HIVEP3: variants seen among roughly 807,000 people sequenced by gnomAD.
The protein encoded by HIVEP3 is transcription factor HIVEP3.
A neutral mutation model predicts 152.8 loss-of-function variants in HIVEP3; 49 were observed. That is an observed-to-expected ratio of 0.32 (90% CI 0.26 to 0.41). The LOEUF is 0.41. Ranked by LOEUF, HIVEP3 falls within the 10% of genes least tolerant of loss-of-function variation. The pLI, the probability that HIVEP3 is intolerant of heterozygous loss-of-function variation, is 1.00. For synonymous variants in HIVEP3, 1,269 were observed against 1,289.0 expected (o/e 0.98, Z 0.33); for missense variants, 2,790 against 3,103.3 (o/e 0.90, Z 2.40).
intron 1 of HIVEP3, among the ~76,000 whole-genome samples, chr1:41,886,605 G>A (rs1187596565): frequency 1.3e-5 from 2 of 150,978 alleles, no homozygotes; most frequent in South Asian, 2.1e-4. Context: ...CTAGCTACTC[G>A]AGAGGCTGAA....
intron 2 of HIVEP3, among the ~76,000 whole-genome samples, chr1:41,641,849 G>T (rs891290326): frequency 6.6e-6 from 1 of 152,168 alleles, no homozygotes; most frequent in Non-Finnish European, 1.5e-5. Flanking sequence ...AGATTTAAGA[G>T]AATTTAAGAG....
In HIVEP3 at chr1:41,547,390, G is replaced by GCCTGC. The variant is rs59193131; in HGVS notation, c.5208-22481_5208-22480insGCAGG. 1.3e-3 allele frequency among the ~76,000 whole-genome samples: 193 copies of GCCTGC among 152,354 alleles called. 3 individuals are homozygous for GCCTGC. The East Asian group carries it at 0.036, about 29-fold the overall frequency. On this transcript the variant is annotated intron_variant, in intron 5 of 8. Coordinates refer to ENST00000372583, the MANE Select transcript of HIVEP3 (RefSeq NM_024503.5). The stretch of plus-strand genomic sequence containing the variant: ...CTGTTGACAAGCAGGCAGTGGCAGG[G>GCCTGC]TTGGGGAGGGCCAGGGAGGCTCCAG...
chr1:41,875,203 A>G (rs1025845424), intron 1 of HIVEP3, among the ~76,000 whole-genome samples: 41 of 152,164 alleles, frequency 2.7e-4, no homozygotes, highest in Admixed American at 4.6e-4. Context: ...CTCAGCCTTT[A>G]AGGCTCTACT....
intron 5 of HIVEP3, among the ~76,000 whole-genome samples, chr1:41,559,421 G>A (rs1019282194): frequency 1.3e-5 from 2 of 152,138 alleles, no homozygotes; most frequent in Non-Finnish European, 2.9e-5. Flanking sequence ...TCCTATAGCC[G>A]AGGCCACCCC....
intron 2 of HIVEP3, among the ~76,000 whole-genome samples, chr1:41,683,915 C>T (rs1646077512): frequency 6.6e-6 from 1 of 152,170 alleles, no homozygotes; most frequent in African/African-American, 2.4e-5. Flanking sequence ...CCTCATAACC[C>T]ATGGAGGAAC....
At chr1:41,528,673 A>T (rs1449531725) in intron 5 of HIVEP3, among the ~76,000 whole-genome samples, 1 of 76,638 alleles carries the variant, frequency 1.3e-5, no homozygotes, top group Non-Finnish European at 2.5e-5. Context: ...TCACCTTCAC[A>T]CTCACACCCC....
chr1:41,743,238 C>T (rs945899407), intron 1 of HIVEP3, among the ~76,000 whole-genome samples: 4 of 152,178 alleles, frequency 2.6e-5, no homozygotes, highest in Non-Finnish European at 5.9e-5. Context: ...CCTCAAAATA[C>T]TAACTGCACC....
intron 1 of HIVEP3, among the ~76,000 whole-genome samples, chr1:41,760,328 G>T (rs1373146732): frequency 6.6e-6 from 1 of 152,188 alleles, no homozygotes; most frequent in Admixed American, 6.5e-5. Context: ...GGGGCCGGGG[G>T]ACTGGTGCTC....
intron 7 of HIVEP3, among the ~76,000 whole-genome samples, chr1:41,515,578 G>A (rs1642578638): frequency 6.6e-6 from 1 of 152,212 alleles, no homozygotes; most frequent in South Asian, 2.1e-4. Flanking sequence ...TCCAGGCACA[G>A]ATGACCCAGT....
intron 3 of HIVEP3, among the ~76,000 whole-genome samples, chr1:41,601,813 T>G (rs1407238354): frequency 2.6e-5 from 4 of 152,186 alleles, no homozygotes; most frequent in African/African-American, 7.2e-5. Context: ...GCCCTTAGCT[T>G]CTTCCTGATT....
intron 2 of HIVEP3, among the ~76,000 whole-genome samples, chr1:41,638,318 GA>G (rs1196089767): frequency 5.5e-4 from 59 of 108,160 alleles, no homozygotes; most frequent in Non-Finnish European, 8.1e-4. Context: ...AAAGGAAAAG[GA>G]AAGAAAGAAA....
chr1:41,700,809 G>C (rs1317401878), intron 2 of HIVEP3, 107 bp downstream of exon 2: 14 of 355,270 alleles, frequency 3.9e-5, no homozygotes, highest in South Asian at 1.1e-4. Flanking sequence ...TCTCCTGCCC[G>C]AGGCTAAGGT....
intron 1 of HIVEP3, among the ~76,000 whole-genome samples, chr1:41,900,036 G>A (rs1644595279): frequency 6.6e-6 from 1 of 152,164 alleles, no homozygotes; most frequent in Admixed American, 6.5e-5. Flanking sequence ...TCCAGTGCTT[G>A]TGAGAGTTAT....
chr1:41,686,905 C>A (rs1013934738), intron 2 of HIVEP3, among the ~76,000 whole-genome samples: 1 of 152,196 alleles, frequency 6.6e-6, no homozygotes, highest in Non-Finnish European at 1.5e-5. Context: ...CATTTAGCAT[C>A]TACTATGGAC....
chr1:41,829,621 A>G (rs1642904700), intron 1 of HIVEP3, among the ~76,000 whole-genome samples: 1 of 151,838 alleles, frequency 6.6e-6, no homozygotes, highest in Non-Finnish European at 1.5e-5. Flanking sequence ...AAATATAACA[A>G]AACAGCAGAT....
chr1:41,886,270 C>G (rs1644345094), intron 1 of HIVEP3, among the ~76,000 whole-genome samples: 1 of 152,048 alleles, frequency 6.6e-6, no homozygotes, highest in African/African-American at 2.4e-5. Context: ...GTCTATTGTT[C>G]ACAGTCACGT....
At chr1:41,743,444 A>T (rs1647026655) in intron 1 of HIVEP3, among the ~76,000 whole-genome samples, 1 of 152,224 alleles carries the variant, frequency 6.6e-6, no homozygotes, top group South Asian at 2.1e-4. Flanking sequence ...GAATGAATGA[A>T]TGAATGTTAC....
chr1:41,984,907 A>G (rs1557549763), intron 1 of HIVEP3, among the ~76,000 whole-genome samples: 1 of 152,222 alleles, frequency 6.6e-6, no homozygotes, highest in African/African-American at 2.4e-5. Context: ...AAATAAACAA[A>G]TAAATACAAT....
chr1:41,898,699 CTCTG>C (rs1304568944), intron 1 of HIVEP3, among the ~76,000 whole-genome samples: 1 of 152,248 alleles, frequency 6.6e-6, no homozygotes, highest in African/African-American at 2.4e-5. Context: ...CAGAGTCATC[CTCTG>C]TCTGAGTTCT....
Sources: allele counts gnomAD v4.1 joint callset (sites outside exome capture counted in the v4.1 genomes callset), GRCh38; gene constraint gnomAD v4.1.1; transcripts MANE v1.5; gene names NCBI Gene and HGNC (gene_info 2026-07-23, HGNC 2026-07-21).